The following SEMA5A variants were observed in gnomAD, a reference collection of about 807,000 sequenced individuals.
The protein encoded by SEMA5A is semaphorin-5A.
In SEMA5A, 55 loss-of-function variants were observed where a neutral mutation model predicts 135.5. That is an observed-to-expected ratio of 0.41 (90% CI 0.33 to 0.51). The LOEUF (loss-of-function observed/expected upper bound fraction) is 0.51, where lower values mean the gene tolerates loss of function less well. Among genes scored for constraint, SEMA5A ranks in the 20% least tolerant of loss-of-function variants. SEMA5A has a pLI of 0.37. For missense variants in SEMA5A, 1,290 were observed against 1,419.9 expected, an observed-to-expected ratio of 0.91 and a Z score of 1.47; for synonymous variants, 580 against 546.5, an observed-to-expected ratio of 1.06 and a Z score of -0.85.
At chr5:9,291,880 A>G (rs1422401787) in intron 5 of SEMA5A, among the ~76,000 whole-genome samples, 2 of 151,800 alleles carry the variant, frequency 1.3e-5, no homozygotes, top group Non-Finnish European at 2.9e-5. Context: ...CTGATTAGGT[A>G]GCAATTAATA....
rs1453649321 is a variant in SEMA5A, at chr5:9,044,413, A to T, written c.3065T>A (p.Ile1022Asn). The T allele has an allele frequency of 6.2e-7, 1 of 1,613,574 alleles. No homozygotes were observed. Among genetic ancestry groups the T allele is most frequent in the Admixed American group, 1.7e-5 (1 of 60,008 alleles). The part of the protein sequence containing the change: ...APLNTSITNH[I>N]NKLDKYDSVE... ...CGAGTCGTACTTGTCCAGTTTGTTG[A>T]TGTGGTTGGTTATGCTGGTATTAAG... The change falls in exon 22 of 23, where the codon ATC (isoleucine) becomes AAC (asparagine). Residue 1022 changes from isoleucine (I) to asparagine (N), a missense_variant. Ile to Asn is a moderately radical substitution (Grantham distance 149). Around this residue, in one of 3 missense-constraint regions of SEMA5A, gnomAD observed 1,029 missense variants for 1,086.6 expected, o/e 0.95. Coordinates refer to ENST00000382496, the MANE Select transcript of SEMA5A (RefSeq NM_003966.3).
intron 5 of SEMA5A, among the ~76,000 whole-genome samples, chr5:9,275,764 C>A (rs1212069006): frequency 6.6e-6 from 1 of 152,132 alleles, no homozygotes. Flanking sequence ...ACAGAAAAGG[C>A]CTTCAACAAA....
At chr5:9,054,482 T>C (rs1736779004) in intron 18 of SEMA5A, among the ~76,000 whole-genome samples, 1 of 152,170 alleles carries the variant, frequency 6.6e-6, no homozygotes, top group Non-Finnish European at 1.5e-5. Context: ...GTTTTACAGA[T>C]TCCTCCCTAC....
intron 10 of SEMA5A, among the ~76,000 whole-genome samples, chr5:9,193,146 T>C (rs1453288319): frequency 6.6e-6 from 1 of 152,166 alleles, no homozygotes; most frequent in African/African-American, 2.4e-5. Flanking sequence ...AGTGCTTCTA[T>C]TTCAAATAGT....
chr5:9,323,022 T>C (rs1752699175), intron 4 of SEMA5A, among the ~76,000 whole-genome samples: 1 of 152,174 alleles, frequency 6.6e-6, no homozygotes, highest in Admixed American at 6.5e-5. Context: ...GTGATGTATG[T>C]CTCCCCTTGA....
At chr5:9,352,939 C>CA (rs1754193305) in intron 3 of SEMA5A, among the ~76,000 whole-genome samples, 1 of 151,750 alleles carries the variant, frequency 6.6e-6, no homozygotes, top group Non-Finnish European at 1.5e-5. Context: ...ATACCAACCC[C>CA]TGCTCTAGAA....
chr5:9,119,270 C>G, intron 14 of SEMA5A, 129 bp from the exon 15 acceptor site: 1 of 1,114,520 alleles, frequency 9.0e-7, no homozygotes, highest in Admixed American at 2.4e-5. Flanking sequence ...AGAGAAAACA[C>G]CAGCCAGGGG....
chr5:9,182,219 C>T (rs541517026), intron 11 of SEMA5A, among the ~76,000 whole-genome samples: 5 of 149,778 alleles, frequency 3.3e-5, no homozygotes, highest in Non-Finnish European at 5.9e-5. Context: ...TTGCTGAACC[C>T]TCTCCAGTGA....
At chr5:9,509,157 A>AGAG (rs1561308597) in intron 1 of SEMA5A, among the ~76,000 whole-genome samples, 1 of 7,226 alleles carries the variant, frequency 1.4e-4, no homozygotes, top group African/African-American at 4.4e-4. Flanking sequence ...GGGGTGAAGA[A>AGAG]AAGAGCAGGA....
At chr5:9,362,345 G>T (rs1754734630) in intron 3 of SEMA5A, among the ~76,000 whole-genome samples, 1 of 152,030 alleles carries the variant, frequency 6.6e-6, no homozygotes, top group Admixed American at 6.6e-5. Flanking sequence ...CTTTGGGGAC[G>T]CTATTTTTTA....
intron 1 of SEMA5A, among the ~76,000 whole-genome samples, chr5:9,483,509 T>C (rs1260085598): frequency 6.6e-6 from 1 of 152,136 alleles, no homozygotes; most frequent in African/African-American, 2.4e-5. Flanking sequence ...CATAAAGAGG[T>C]ACTATGCATT....
intron 5 of SEMA5A, among the ~76,000 whole-genome samples, chr5:9,291,025 T>C (rs975392072): frequency 7.9e-5 from 12 of 152,168 alleles, no homozygotes; most frequent in African/African-American, 2.4e-4. Flanking sequence ...AACTTACATT[T>C]TAATATTAGT....
In SEMA5A at chr5:9,282,262, A is replaced by G. The variant is rs1750581674; in HGVS notation, c.270+36110T>C. On this transcript the variant is annotated intron_variant, in intron 5 of 22. Transcript: ENST00000382496. ...TGAATAAAAATAAAATTACAAAAAC[A>G]CACCAAATAGAAGAAAGCAAAATTT... Among the ~76,000 whole-genome samples, 4 of 152,212 alleles carry G rather than the reference A, an allele frequency of 2.6e-5. No individual in the cohort carries two copies. In the South Asian group the frequency reaches 8.3e-4, roughly 32 times the overall value.
intron 5 of SEMA5A, among the ~76,000 whole-genome samples, chr5:9,279,002 C>A (rs909726999): frequency 1.3e-5 from 2 of 152,174 alleles, no homozygotes; most frequent in Non-Finnish European, 2.9e-5. Context: ...CCTAGTGGAG[C>A]TGGCAGAAGA....
chr5:9,347,092 A>C (rs1753910074), intron 3 of SEMA5A, among the ~76,000 whole-genome samples: 1 of 152,228 alleles, frequency 6.6e-6, no homozygotes, highest in African/African-American at 2.4e-5. Flanking sequence ...GAGAAATTAA[A>C]ACATTTCGTA....
intron 11 of SEMA5A, among the ~76,000 whole-genome samples, chr5:9,175,934 C>T (rs546678973): frequency 6.6e-6 from 1 of 152,178 alleles, no homozygotes; most frequent in Non-Finnish European, 1.5e-5. Flanking sequence ...CTACCATAGG[C>T]AGATTCCTAA....
intron 3 of SEMA5A, among the ~76,000 whole-genome samples, chr5:9,350,262 A>G (rs1171582473): frequency 6.6e-6 from 1 of 152,154 alleles, no homozygotes; most frequent in East Asian, 1.9e-4. Flanking sequence ...CAGTCCTTGG[A>G]ATTTGGTTGA....
At chr5:9,187,909 T>C (rs1342999054) in intron 11 of SEMA5A, among the ~76,000 whole-genome samples, 2 of 152,160 alleles carry the variant, frequency 1.3e-5, no homozygotes, top group African/African-American at 4.8e-5. Context: ...GGAGCAGCAG[T>C]CCAATCATGC....
intron 1 of SEMA5A, among the ~76,000 whole-genome samples, chr5:9,521,097 G>T (rs75644553): frequency 0.013 from 1,968 of 152,264 alleles, 34 homozygotes; most frequent in South Asian, 0.04. Context: ...AACTTTTCTG[G>T]GCATCTAAGA....
Sources: gnomAD v4.1 joint callset for allele counts (sites outside exome capture counted in the v4.1 genomes callset) on GRCh38, gnomAD v4.1.1 for gene constraint, gnomAD v4.1.1 regional missense constraint, MANE v1.5 for transcripts, NCBI Gene and HGNC (gene_info 2026-07-23, HGNC 2026-07-21) for gene names.